INPP5A: variants seen among roughly 807,000 people sequenced by gnomAD.
The protein encoded by INPP5A is inositol polyphosphate-5-phosphatase A.
In INPP5A, 14 loss-of-function variants were observed where a neutral mutation model predicts 65.2. The observed-to-expected ratio is 0.21, with a 90% CI of 0.14 to 0.34. The LOEUF (loss-of-function observed/expected upper bound fraction) is 0.34, where lower values mean the gene tolerates loss of function less well. INPP5A is among the 10% of genes least tolerant of loss of function. INPP5A has a pLI of 1.00. For missense variants in INPP5A, 431 were observed against 545.6 expected (o/e 0.79, Z 2.09); for synonymous variants, 207 against 208.3 (o/e 0.99, Z 0.05).
chr10:132,556,870 A>G (rs1323810683), intron 1 of INPP5A, among the ~76,000 whole-genome samples: 1 of 152,090 alleles, frequency 6.6e-6, no homozygotes, highest in Non-Finnish European at 1.5e-5. Flanking sequence ...TTGATGAGGC[A>G]GTGACTGTAG....
At chr10:132,732,856 G>A (rs1846110265) in intron 9 of INPP5A, among the ~76,000 whole-genome samples, 1 of 152,160 alleles carries the variant, frequency 6.6e-6, no homozygotes, top group East Asian at 1.9e-4. Context: ...GACGTGGAAT[G>A]TGCGTGCCAG....
chr10:132,755,284 CGTGT>C (rs756434243), intron 11 of INPP5A, among the ~76,000 whole-genome samples: 12 of 142,274 alleles, frequency 8.4e-5, no homozygotes, highest in Non-Finnish European at 1.1e-4. Context: ...CCTTCATGAG[CGTGT>C]GTGTGAGCGT....
rs574084092 is a variant in INPP5A, at chr10:132,661,185, T to C, written c.306+10680T>C. Among the ~76,000 whole-genome samples, 43 of 152,344 alleles carry C rather than the reference T, an allele frequency of 2.8e-4. 1 individual carries two copies. The South Asian group carries it at 6.6e-3, about 23-fold the overall frequency. On this transcript the variant is annotated intron_variant, in intron 4 of 15. Coordinates refer to ENST00000368594, the MANE Select transcript of INPP5A (RefSeq NM_005539.5). ...GTTTCAAAAACACAATCCAGCACCA[T>C]GTGTAAATTGTTTGATGCTTGAGAT...
At chr10:132,718,036 T>A (rs1845775679) in intron 8 of INPP5A, among the ~76,000 whole-genome samples, 1 of 148,422 alleles carries the variant, frequency 6.7e-6, no homozygotes, top group Non-Finnish European at 1.5e-5. Flanking sequence ...TCTGGGCGCC[T>A]TAGACGGCTG....
intron 2 of INPP5A, among the ~76,000 whole-genome samples, chr10:132,629,175 C>T (rs1590879005): frequency 6.6e-6 from 1 of 152,330 alleles, no homozygotes; most frequent in African/African-American, 2.4e-5. Context: ...CCCAGCACTG[C>T]AGATGGGTGG....
At chr10:132,647,504 G>A (rs766930334) in intron 3 of INPP5A, among the ~76,000 whole-genome samples, 1 of 152,198 alleles carries the variant, frequency 6.6e-6, no homozygotes, top group Non-Finnish European at 1.5e-5. Flanking sequence ...TAAGAGCAAA[G>A]GGTCAAGAAT....
At chr10:132,773,051 C>T (rs1037168244) in intron 12 of INPP5A, among the ~76,000 whole-genome samples, 3 of 152,236 alleles carry the variant, frequency 2.0e-5, no homozygotes, top group African/African-American at 7.2e-5. Flanking sequence ...TTACTGCAGG[C>T]GGGGAATCAC....
chr10:132,542,696 A>C (rs2070922191), intron 1 of INPP5A, among the ~76,000 whole-genome samples: 1 of 152,170 alleles, frequency 6.6e-6, no homozygotes, highest in Non-Finnish European at 1.5e-5. Flanking sequence ...GACTAGCCAG[A>C]ATTTTTGCTC....
intron 8 of INPP5A, among the ~76,000 whole-genome samples, chr10:132,715,859 G>C (rs1408310110): frequency 3.3e-5 from 5 of 152,336 alleles, no homozygotes; most frequent in African/African-American, 4.8e-5. Flanking sequence ...GGGTGGCCGA[G>C]GTCATGTGTC....
intron 8 of INPP5A, among the ~76,000 whole-genome samples, chr10:132,717,912 C>T (rs560926000): frequency 7.3e-6 from 1 of 136,744 alleles, no homozygotes; most frequent in East Asian, 2.2e-4. Flanking sequence ...TCTGTGGTAC[C>T]TGGGTTCTGT....
intron 1 of INPP5A, among the ~76,000 whole-genome samples, chr10:132,572,906 G>T (rs889385352): frequency 1.6e-4 from 24 of 152,190 alleles, no homozygotes; most frequent in Non-Finnish European, 3.5e-4. Flanking sequence ...CATCAGCTCG[G>T]TTTATTTCAT....
chr10:132,708,019 G>A (rs1353065505), intron 6 of INPP5A, among the ~76,000 whole-genome samples: 1 of 152,210 alleles, frequency 6.6e-6, no homozygotes, highest in Non-Finnish European at 1.5e-5. Flanking sequence ...CCCTGCAGCT[G>A]CTCTCACATG....
intron 1 of INPP5A, among the ~76,000 whole-genome samples, chr10:132,560,407 C>T (rs1421440792): frequency 6.6e-6 from 1 of 152,200 alleles, no homozygotes; most frequent in African/African-American, 2.4e-5. Flanking sequence ...CTGCAGACTT[C>T]CAACATCACA....
At chr10:132,688,553 G>A (rs943738226) in intron 4 of INPP5A, among the ~76,000 whole-genome samples, 1 of 152,244 alleles carries the variant, frequency 6.6e-6, no homozygotes, top group African/African-American at 2.4e-5. Flanking sequence ...CTGCAGGGTT[G>A]TGGGGTCATG....
rs1354610189 is a variant in INPP5A, at chr10:132,707,017, T to G, written c.475-1296T>G. On this transcript the variant is annotated intron_variant, in intron 6 of 15. Transcript: ENST00000368594. This position sits in a 1 kb window ranked among gnomAD's most constrained non-coding sequence, Gnocchi z 5.5. ...AGGAGCCAAAGGGGACGGTGGCCAG[T>G]GGCAAGGTGGGGTCAAAGGGAGAGC... is the stretch of plus-strand genomic sequence containing the variant. Among the ~76,000 whole-genome samples, 1 of 152,210 alleles carries G rather than the reference T, an allele frequency of 6.6e-6. No homozygotes were observed. Among genetic ancestry groups the G allele is most frequent in the Non-Finnish European group, 1.5e-5 (1 of 68,030 alleles).
Position 132,547,224 on chromosome 10 carries a change from C to T in INPP5A, c.75+9053C>T, listed in dbSNP as rs908855826. Reference sequence around the variant, plus strand: ...TGTGCCCAGGGAGTAGGAATCCCACCTTGCATGGTGGCTCAGGGTGGTCAG... The same window carrying T: ...TGTGCCCAGGGAGTAGGAATCCCACTTTGCATGGTGGCTCAGGGTGGTCAG... On this transcript the variant is annotated intron_variant, in intron 1 of 15. Transcript: ENST00000368594. This position sits in a 1 kb window ranked among gnomAD's most constrained non-coding sequence, Gnocchi z 5.5. Among the ~76,000 whole-genome samples, 3 of 152,240 alleles carry T rather than the reference C, an allele frequency of 2.0e-5. No homozygotes were observed. The highest frequency in any genetic ancestry group is 4.8e-5 in the African/African-American group (2 of 41,466).
Position 132,782,254 on chromosome 10 carries a change from T to G in INPP5A, c.*225T>G, listed in dbSNP as rs1315311619. On this transcript the variant is annotated 3_prime_UTR_variant, in exon 16 of 16. Transcript: ENST00000368594. The surrounding 1 kb of genome is among the most constrained non-coding windows in gnomAD (Gnocchi z 4.4). ...TGACATTAAGTAGAAATATTGGTTT[T>G]TTTTTTTTTTTTTTAAATAAGTCAC... is the stretch of plus-strand genomic sequence containing the variant. 266 of 441,976 alleles carry G rather than the reference T, an allele frequency of 6.0e-4. No homozygotes were observed. Among genetic ancestry groups the G allele is most frequent in the South Asian group, 2.1e-3 (98 of 47,678 alleles). The allele number at this position is 441,976 out of a possible 1,614,324, so 27.4% of individuals were successfully genotyped here.
chr10:132,647,776 C>T (rs1353407686), intron 3 of INPP5A, among the ~76,000 whole-genome samples: 12 of 152,118 alleles, frequency 7.9e-5, no homozygotes, highest in Non-Finnish European at 7.4e-5. Flanking sequence ...AAATTGGATC[C>T]CTGCTTTGTG....
At chr10:132,677,469 G>T (rs2072981670) in intron 4 of INPP5A, among the ~76,000 whole-genome samples, 1 of 152,260 alleles carries the variant, frequency 6.6e-6, no homozygotes, top group Non-Finnish European at 1.5e-5. Context: ...AAGGGTGGGT[G>T]TCCTTAGACC....
Sources: allele counts gnomAD v4.1 joint callset (sites outside exome capture counted in the v4.1 genomes callset), GRCh38; gene constraint gnomAD v4.1.1; non-coding constraint Gnocchi (gnomAD v3.1); transcripts MANE v1.5; gene names NCBI Gene and HGNC (gene_info 2026-07-23, HGNC 2026-07-21).